SPMIP11: variants seen among roughly 807,000 people sequenced by gnomAD.
The protein encoded by SPMIP11 is sperm microtubule inner protein 11.
At chr12:48,744,013 C>T in the SPMIP11 span, among the ~76,000 whole-genome samples, 1 of 149,952 alleles carries the variant, frequency 6.7e-6, no homozygotes, top group Admixed American at 6.7e-5. Context: ...TTTGGGATGC[C>T]GAGGCAGTGC....
the SPMIP11 span, among the ~76,000 whole-genome samples, chr12:48,744,661 G>C: frequency 6.6e-6 from 1 of 152,036 alleles, no homozygotes; most frequent in Non-Finnish European, 1.5e-5. Context: ...GGAGGTTGCA[G>C]TCAGCCAAGA....
the SPMIP11 span, among the ~76,000 whole-genome samples, chr12:48,761,220 G>A: frequency 6.6e-6 from 1 of 151,982 alleles, no homozygotes; most frequent in Non-Finnish European, 1.5e-5. Context: ...GACGAGGCGG[G>A]CGGATCACTT....
At chr12:48,740,439 A>G in the SPMIP11 span, among the ~76,000 whole-genome samples, 1 of 151,982 alleles carries the variant, frequency 6.6e-6, no homozygotes, top group African/African-American at 2.4e-5. Flanking sequence ...ATGCTGTTAT[A>G]TAATTACCTA....
the SPMIP11 span, among the ~76,000 whole-genome samples, chr12:48,730,542 G>T: frequency 3.3e-5 from 5 of 152,188 alleles, no homozygotes; most frequent in Non-Finnish European, 7.3e-5. Context: ...TTATTATGCA[G>T]TATACCAGGC....
chr12:48,747,058 T>TA, the SPMIP11 span, among the ~76,000 whole-genome samples: 1 of 152,216 alleles, frequency 6.6e-6, no homozygotes, highest in African/African-American at 2.4e-5. Context: ...TCATAAGCAT[T>TA]ATCTGCCTGG....
At chr12:48,771,031 A>C in the SPMIP11 span, 2 of 1,548,860 alleles carry the variant, frequency 1.3e-6, no homozygotes, top group Non-Finnish European at 1.8e-6. The surrounding 1 kb of genome is among the most constrained non-coding windows in gnomAD (Gnocchi z 4.3). Context: ...CCCTGCCCCA[A>C]CACTCATTTC....
At chr12:48,768,386 T>G in the SPMIP11 span, 1 of 690,308 alleles carries the variant, frequency 1.4e-6, no homozygotes. Context: ...GAAAGTCACT[T>G]GCATAATCCT....
At chr12:48,730,665 T>C in the SPMIP11 span, among the ~76,000 whole-genome samples, 1 of 152,236 alleles carries the variant, frequency 6.6e-6, no homozygotes, top group Non-Finnish European at 1.5e-5. Context: ...AGGCCGGGCA[T>C]GGTGGCTCAC....
chr12:48,755,646 G>A, the SPMIP11 span, among the ~76,000 whole-genome samples: 1 of 152,194 alleles, frequency 6.6e-6, no homozygotes, highest in South Asian at 2.1e-4. Context: ...GAGTGACACT[G>A]TCCAGCACAC....
At chr12:48,756,526 G>A in the SPMIP11 span, among the ~76,000 whole-genome samples, 1 of 152,238 alleles carries the variant, frequency 6.6e-6, no homozygotes, top group South Asian at 2.1e-4. Flanking sequence ...GTGAGGCCAA[G>A]CCAGGAAGAA....
At chr12:48,751,077 G>A in the SPMIP11 span, among the ~76,000 whole-genome samples, 1 of 151,996 alleles carries the variant, frequency 6.6e-6, no homozygotes, top group Non-Finnish European at 1.5e-5. Flanking sequence ...CTTGAAGAAC[G>A]ATAGGTTTTT....
chr12:48,768,482 TAGC>T, the SPMIP11 span: 4 of 1,508,524 alleles, frequency 2.7e-6, no homozygotes, highest in Non-Finnish European at 3.7e-6. Context: ...CTTTTGTGGT[TAGC>T]AGGGTCTGGA....
At chr12:48,765,682 T>G in the SPMIP11 span, 1 of 702,602 alleles carries the variant, frequency 1.4e-6, no homozygotes, top group Admixed American at 2.0e-5. Context: ...AAAGACAAGA[T>G]GAATTGTGGC....
At chr12:48,751,058 C>T in the SPMIP11 span, among the ~76,000 whole-genome samples, 1 of 152,104 alleles carries the variant, frequency 6.6e-6, no homozygotes, top group Non-Finnish European at 1.5e-5. Flanking sequence ...AAGTCATTCA[C>T]AATTTTTCCT....
At chr12:48,764,644 A>C in the SPMIP11 span, among the ~76,000 whole-genome samples, 3 of 152,212 alleles carry the variant, frequency 2.0e-5, no homozygotes, top group African/African-American at 7.2e-5. Flanking sequence ...AGGAAGAACC[A>C]AGACTGATTC....
the SPMIP11 span, among the ~76,000 whole-genome samples, chr12:48,752,002 G>A: frequency 0.33 from 49,542 of 150,480 alleles, 9,367 homozygotes; most frequent in Non-Finnish European, 0.45. Flanking sequence ...GGGAGGCGGA[G>A]GTTGCAGTGA....
chr12:48,734,164 A>T, the SPMIP11 span, among the ~76,000 whole-genome samples: 1 of 152,070 alleles, frequency 6.6e-6, no homozygotes, highest in African/African-American at 2.4e-5. Flanking sequence ...GAGTGCAATG[A>T]CACTATTATA....
chr12:48,763,346 G>C, the SPMIP11 span, among the ~76,000 whole-genome samples: 2 of 151,914 alleles, frequency 1.3e-5, no homozygotes, highest in African/African-American at 4.8e-5. Flanking sequence ...GCTAATTTTT[G>C]TATTTTTTGT....
the SPMIP11 span, among the ~76,000 whole-genome samples, chr12:48,728,980 C>A: frequency 6.6e-6 from 1 of 152,078 alleles, no homozygotes; most frequent in East Asian, 1.9e-4. Context: ...CCTAGCCATG[C>A]CTCACACATA....
Sources: gnomAD v4.1 joint callset for allele counts (sites outside exome capture counted in the v4.1 genomes callset) on GRCh38, gnomAD v4.1.1 for gene constraint, Gnocchi (gnomAD v3.1) non-coding constraint, MANE v1.5 for transcripts, NCBI Gene and HGNC (gene_info 2026-07-23, HGNC 2026-07-21) for gene names.